GRID1: variants seen among roughly 807,000 people sequenced by gnomAD.
GRID1 encodes glutamate receptor ionotropic, delta-1.
In GRID1, 28 loss-of-function variants were observed where a neutral mutation model predicts 98.0. That is an observed-to-expected ratio of 0.29 (90% confidence interval 0.21 to 0.39). The LOEUF (loss-of-function observed/expected upper bound fraction) is 0.39, where lower values mean the gene tolerates loss of function less well. Ranked by LOEUF, GRID1 falls within the 10% of genes least tolerant of loss-of-function variation. The pLI is 1.00. For missense variants in GRID1, 1,111 were observed against 1,340.5 expected, an observed-to-expected ratio of 0.83 and a Z score of 2.67; for synonymous variants, 553 against 538.5, an observed-to-expected ratio of 1.03 and a Z score of -0.37.
intron 12 of GRID1, among the ~76,000 whole-genome samples, chr10:85,684,514 G>A (rs887050119): frequency 6.6e-6 from 1 of 152,010 alleles, no homozygotes; most frequent in African/African-American, 2.4e-5. Context: ...TATAGAAAAA[G>A]CATTTTATAA....
chr10:86,157,033 A>G (rs1438940159), intron 3 of GRID1, among the ~76,000 whole-genome samples: 1 of 152,058 alleles, frequency 6.6e-6, no homozygotes, highest in Non-Finnish European at 1.5e-5. Context: ...GGATGGAGAG[A>G]GGGGAAGAAA....
At chr10:86,232,171 CCACGAGGAAGAAAA>C (rs1846464733) in intron 2 of GRID1, among the ~76,000 whole-genome samples, 1 of 152,168 alleles carries the variant, frequency 6.6e-6, no homozygotes, top group Admixed American at 6.5e-5. Context: ...CATCCCAATC[CCACGAGGAAGAAAA>C]CTGGGAGGCC....
chr10:85,976,481 G>A (rs7094074), intron 4 of GRID1, among the ~76,000 whole-genome samples: 15,320 of 152,256 alleles, frequency 0.1, 856 homozygotes, highest in Middle Eastern at 0.12. Flanking sequence ...ACCTCCTTCA[G>A]GTGAGTAGAA....
chr10:86,131,692 T>C (rs1325494479), intron 4 of GRID1, among the ~76,000 whole-genome samples: 2 of 152,180 alleles, frequency 1.3e-5, no homozygotes, highest in Non-Finnish European at 2.9e-5. Flanking sequence ...ACTCAGGCCT[T>C]TTTCCCTGAT....
At chr10:85,652,299 T>C (rs995323097) in intron 12 of GRID1, among the ~76,000 whole-genome samples, 1 of 152,204 alleles carries the variant, frequency 6.6e-6, no homozygotes, top group Non-Finnish European at 1.5e-5. Flanking sequence ...AAATCAATAA[T>C]ACAGAATTTA....
chr10:85,961,966 A>G (rs1018962317), intron 4 of GRID1, among the ~76,000 whole-genome samples: 6 of 152,192 alleles, frequency 3.9e-5, no homozygotes, highest in Non-Finnish European at 8.8e-5. Flanking sequence ...AAGAATAAAG[A>G]AAGGAAGGAA....
At chr10:85,868,619 G>A (rs543786414) in intron 6 of GRID1, among the ~76,000 whole-genome samples, 5 of 152,270 alleles carry the variant, frequency 3.3e-5, no homozygotes, top group African/African-American at 9.6e-5. Context: ...TGCAAGGGTC[G>A]TGTCTATATT....
chr10:86,087,331 TTGAG>T (rs1256294680), intron 4 of GRID1, among the ~76,000 whole-genome samples: 3 of 139,260 alleles, frequency 2.2e-5, no homozygotes, highest in Non-Finnish European at 4.5e-5. Context: ...ACATGTGGGT[TTGAG>T]TGTGTTTGTG....
At chr10:86,089,387 CCTGGA>C (rs757038435) in intron 4 of GRID1, among the ~76,000 whole-genome samples, 19,321 of 152,058 alleles carry the variant, frequency 0.13, 1,866 homozygotes, top group African/African-American at 0.27. Flanking sequence ...TCATTTGGAA[CCTGGA>C]ACCCTCATTT....
At chr10:86,223,499 G>T (rs1421469490) in intron 2 of GRID1, among the ~76,000 whole-genome samples, 1 of 152,228 alleles carries the variant, frequency 6.6e-6, no homozygotes, top group African/African-American at 2.4e-5. Flanking sequence ...TGCTGAGGAG[G>T]CATTCCCATG....
At chr10:85,883,397 A>C (rs981479165) in intron 5 of GRID1, among the ~76,000 whole-genome samples, 1 of 152,096 alleles carries the variant, frequency 6.6e-6, no homozygotes, top group African/African-American at 2.4e-5. Flanking sequence ...ACGTAAAGTC[A>C]TTTCAGATCT....
intron 4 of GRID1, among the ~76,000 whole-genome samples, chr10:86,044,303 G>T (rs1386775109): frequency 6.6e-6 from 1 of 152,114 alleles, no homozygotes; most frequent in African/African-American, 2.4e-5. Context: ...TTCCCTACTT[G>T]CTTGCTAATC....
chr10:86,018,737 T>G (rs1335616481), intron 4 of GRID1, among the ~76,000 whole-genome samples: 1 of 152,174 alleles, frequency 6.6e-6, no homozygotes, highest in African/African-American at 2.4e-5. Flanking sequence ...GTTGAGAGGA[T>G]CAGCCCCGCC....
intron 4 of GRID1, among the ~76,000 whole-genome samples, chr10:85,960,564 T>A (rs1842252777): frequency 6.6e-6 from 1 of 152,218 alleles, no homozygotes; most frequent in Admixed American, 6.5e-5. Context: ...AGCACAGCCA[T>A]GCTAAGGTAG....
intron 2 of GRID1, among the ~76,000 whole-genome samples, chr10:86,296,546 C>A (rs1847591765): frequency 6.6e-6 from 1 of 152,122 alleles, no homozygotes; most frequent in Non-Finnish European, 1.5e-5. Flanking sequence ...CAAGACCAGC[C>A]TGGCCAACAT....
intron 4 of GRID1, among the ~76,000 whole-genome samples, chr10:86,049,835 C>T (rs763833686): frequency 1.3e-5 from 2 of 152,180 alleles, no homozygotes; most frequent in Non-Finnish European, 2.9e-5. Flanking sequence ...TTTTTGTCAT[C>T]GTTTAAGCCC....
intron 4 of GRID1, among the ~76,000 whole-genome samples, chr10:85,933,057 G>C (rs1841878423): frequency 6.6e-6 from 1 of 151,988 alleles, no homozygotes; most frequent in Non-Finnish European, 1.5e-5. Context: ...TTGTGTCATG[G>C]GGCACCATCC....
intron 4 of GRID1, among the ~76,000 whole-genome samples, chr10:86,074,329 G>A (rs867283512): frequency 7.9e-5 from 12 of 151,896 alleles, no homozygotes; most frequent in Non-Finnish European, 1.0e-4. Flanking sequence ...CCTCCCACTC[G>A]TCCATCTCAG....
At chr10:86,060,590 C>T (rs1244540570) in intron 4 of GRID1, among the ~76,000 whole-genome samples, 2 of 152,226 alleles carry the variant, frequency 1.3e-5, no homozygotes, top group Non-Finnish European at 2.9e-5. Context: ...CGCTCTAAAG[C>T]CCGGGTCACT....
Sources: gnomAD v4.1 joint callset for allele counts (sites outside exome capture counted in the v4.1 genomes callset) on GRCh38, gnomAD v4.1.1 for gene constraint, MANE v1.5 for transcripts, NCBI Gene and HGNC (gene_info 2026-07-23, HGNC 2026-07-21) for gene names.